CDYL: variants seen among roughly 807,000 people sequenced by gnomAD.
CDYL encodes chromodomain Y-like protein.
Under a neutral mutation model 47.3 loss-of-function variants are expected in CDYL, and 8 were observed. The ratio of observed to expected loss-of-function variants is 0.17; its 90% confidence interval spans 0.10 to 0.31. The LOEUF is 0.31. CDYL is among the 10% of genes least tolerant of loss of function. CDYL has a pLI of 1.00. For synonymous variants in CDYL, 266 were observed against 265.0 expected (o/e 1.00, Z -0.04); for missense variants, 471 against 701.4 (o/e 0.67, Z 3.71).
chr6:4,859,678 C>T (rs1279648384), intron 1 of CDYL, among the ~76,000 whole-genome samples: 1 of 152,114 alleles, frequency 6.6e-6, no homozygotes, highest in Non-Finnish European at 1.5e-5. Context: ...GGAGATAATT[C>T]TGTCTTGAGA....
intron 5 of CDYL, among the ~76,000 whole-genome samples, chr6:4,947,662 G>A (rs1476542756): frequency 6.6e-6 from 1 of 152,090 alleles, no homozygotes; most frequent in Admixed American, 6.5e-5. Flanking sequence ...TTCACCCTCG[G>A]TCTGTCCACT....
At chr6:4,875,359 T>G (rs73717742) in intron 1 of CDYL, among the ~76,000 whole-genome samples, 8,444 of 152,282 alleles carry the variant, frequency 0.055, 258 homozygotes, top group South Asian at 0.15. Flanking sequence ...GAAAAAGCCT[T>G]TGGGACTTGT....
intron 1 of CDYL, among the ~76,000 whole-genome samples, chr6:4,802,489 T>C (rs1759253555): frequency 6.6e-6 from 1 of 152,122 alleles, no homozygotes; most frequent in Admixed American, 6.5e-5. Context: ...CAATGAGCTA[T>C]GATTGCACCA....
intron 1 of CDYL, among the ~76,000 whole-genome samples, chr6:4,884,557 A>T (rs1043748132): frequency 6.6e-6 from 1 of 152,150 alleles, no homozygotes; most frequent in Non-Finnish European, 1.5e-5. Flanking sequence ...GCATTTCTGT[A>T]TGTCTCTGGA....
intron 1 of CDYL, among the ~76,000 whole-genome samples, chr6:4,813,559 T>C (rs1370113717): frequency 6.6e-6 from 1 of 152,236 alleles, no homozygotes. Flanking sequence ...GGATTCATTT[T>C]GCTAAATTAT....
intron 4 of CDYL, among the ~76,000 whole-genome samples, chr6:4,938,852 C>T (rs1163345096): frequency 6.6e-6 from 1 of 152,184 alleles, no homozygotes; most frequent in Non-Finnish European, 1.5e-5. Flanking sequence ...AAAACTTTCT[C>T]TAAAACCACT....
At chr6:4,891,546 A>G (rs1762039728) in intron 1 of CDYL, among the ~76,000 whole-genome samples, 167 bp from the exon 2 acceptor site, 1 of 152,196 alleles carries the variant, frequency 6.6e-6, no homozygotes, top group South Asian at 2.1e-4. Flanking sequence ...CTTTCAGGGA[A>G]ATTGTCCACA....
chr6:4,909,608 T>C (rs1035930701), intron 2 of CDYL, among the ~76,000 whole-genome samples: 2 of 152,196 alleles, frequency 1.3e-5, no homozygotes, highest in African/African-American at 4.8e-5. Context: ...CTCCCTCTGT[T>C]GCCCAAGCTG....
chr6:4,935,696 G>A lies in CDYL; in HGVS notation c.873G>A (p.Val291=). 1 of 1,614,200 alleles carries A rather than the reference G, an allele frequency of 6.2e-7. No homozygotes were observed. Among genetic ancestry groups the A allele is most frequent in the Non-Finnish European group, 8.5e-7 (1 of 1,180,042 alleles). The change falls in exon 3 of 7, where the codon GTG becomes GTA. Residue 291 remains valine (V), a synonymous_variant. Transcript: ENST00000397588. ...GTGCCTACAGATACAGAGATATTGT[G>A]GTCAGGAAGCAGGATGGCTTCACCC... is the stretch of plus-strand genomic sequence containing the variant. ...TESAYRYRDI[V]VRKQDGFTHI...
At chr6:4,891,589 T>G (rs1762042976) in intron 1 of CDYL, 124 bp from the exon 2 acceptor site, 1 of 732,158 alleles carries the variant, frequency 1.4e-6, no homozygotes, top group South Asian at 1.9e-5. Context: ...TTATTGAGGT[T>G]GCAGAAGAGA....
chr6:4,828,066 A>C (rs772877179), intron 1 of CDYL, among the ~76,000 whole-genome samples: 5 of 152,052 alleles, frequency 3.3e-5, no homozygotes, highest in Non-Finnish European at 7.4e-5. Flanking sequence ...AGAGAGCTTT[A>C]TTTCTTTTTC....
chr6:4,939,618 T>C (rs1402299485), intron 4 of CDYL, among the ~76,000 whole-genome samples: 2 of 152,212 alleles, frequency 1.3e-5, no homozygotes, highest in African/African-American at 4.8e-5. Context: ...GTTTCTAATC[T>C]CCTAGGGGAT....
chr6:4,903,436 G>A (rs1325543865), intron 2 of CDYL, among the ~76,000 whole-genome samples: 1 of 152,144 alleles, frequency 6.6e-6, no homozygotes, highest in African/African-American at 2.4e-5. Flanking sequence ...TTCCGTGATG[G>A]TTCATCTTAA....
chr6:4,909,569 C>CT (rs1554107000), intron 2 of CDYL, among the ~76,000 whole-genome samples: 2 of 151,802 alleles, frequency 1.3e-5, no homozygotes, highest in East Asian at 1.9e-4. Context: ...AAAATTCATA[C>CT]TTTTTTTTGT....
chr6:4,733,852 T>C (rs1337009691), intron 2 of CDYL, among the ~76,000 whole-genome samples: 1 of 22 alleles, frequency 0.045, no homozygotes, highest in Non-Finnish European at 0.083. Context: ...TTTCTTCTTC[T>C]TTTTTTTTTT....
intron 2 of CDYL, among the ~76,000 whole-genome samples, chr6:4,932,147 G>A (rs996772004): frequency 9.2e-5 from 14 of 152,164 alleles, no homozygotes; most frequent in African/African-American, 3.4e-4. Context: ...CTGGTGGGAG[G>A]CAGGTTTCTT....
chr6:4,875,148 C>T (rs533004736), intron 1 of CDYL, among the ~76,000 whole-genome samples: 10 of 152,276 alleles, frequency 6.6e-5, no homozygotes, highest in South Asian at 6.2e-4. Flanking sequence ...TGACAGGCAT[C>T]GCAGGAGAGT....
intron 1 of CDYL, among the ~76,000 whole-genome samples, chr6:4,797,208 A>C (rs1183297365): frequency 6.6e-6 from 1 of 152,156 alleles, no homozygotes; most frequent in East Asian, 1.9e-4. Context: ...AAGACACAAT[A>C]AGGAAATTCA....
chr6:4,955,157 A>G lies in CDYL; in HGVS notation c.*1101A>G, dbSNP rs566213829. 4.6e-5 allele frequency: 7 copies of G among 152,734 alleles called. No individual in the cohort carries two copies. Among genetic ancestry groups the G allele is most frequent in the African/African-American group, 1.7e-4 (7 of 41,556 alleles). 9.5% of individuals were successfully genotyped at this position (152,734 alleles called of 1,614,324 possible). A position where few individuals can be genotyped will look rare whatever the true frequency, so the allele number is the denominator to read the frequency against. ...GTCTATACAATATACTGAGTTCAGTATGGTGTCCAAGAGTGCCCTGTGTGG... is the reference window on the plus strand; with the variant it reads ...GTCTATACAATATACTGAGTTCAGTGTGGTGTCCAAGAGTGCCCTGTGTGG... On this transcript the variant is annotated 3_prime_UTR_variant, in exon 7 of 7. Transcript: ENST00000397588.
Sources: gnomAD v4.1 joint callset for allele counts (sites outside exome capture counted in the v4.1 genomes callset) on GRCh38, gnomAD v4.1.1 for gene constraint, MANE v1.5 for transcripts, NCBI Gene and HGNC (gene_info 2026-07-23, HGNC 2026-07-21) for gene names.